The following IDH3G variants were observed in gnomAD, a reference collection of about 807,000 sequenced individuals.
IDH3G encodes the protein isocitrate dehydrogenase [NAD] subunit gamma, mitochondrial.
IDH3G carries 9 observed loss-of-function variants against 26.9 expected under a neutral mutation model. The ratio of observed to expected loss-of-function variants is 0.34; its 90% confidence interval spans 0.20 to 0.58. The LOEUF (loss-of-function observed/expected upper bound fraction) is 0.58. IDH3G is among the 20% of genes least tolerant of loss of function. The pLI is 0.85. For missense variants in IDH3G, 250 were observed against 372.8 expected, an observed-to-expected ratio of 0.67 and a Z score of 2.71; for synonymous variants, 181 against 160.0, an observed-to-expected ratio of 1.13 and a Z score of -0.99.
intron 8 of IDH3G, 39 bp from the exon 9 acceptor site, chrX:153,787,192 C>A (rs781821711): frequency 2.5e-5 from 27 of 1,073,722 alleles, no homozygotes; most frequent in Non-Finnish European, 3.3e-5. Flanking sequence ...GCTTGGCCAT[C>A]GCAACAGTCA....
chrX:153,786,110 C>G, intron 12 of IDH3G, 102 bp downstream of exon 12: 1 of 1,196,650 alleles, frequency 8.4e-7, no homozygotes, highest in South Asian at 1.8e-5. Flanking sequence ...GATCCAGTAC[C>G]ATCCTCCCCT....
In IDH3G at chrX:153,786,334, G is replaced by A. The variant is rs782052229; in HGVS notation, c.1019+21C>T. Reference sequence around the variant, plus strand: ...CCCGGAGGGCTGGCCAGGGGCTTGCGGGGCACTGGGAGCCACTCACTTGAG... The same window carrying A: ...CCCGGAGGGCTGGCCAGGGGCTTGCAGGGCACTGGGAGCCACTCACTTGAG... On this transcript the variant is annotated intron_variant, in intron 11 of 12. Transcript: ENST00000217901. 5.7e-5 allele frequency: 69 copies of A among 1,202,242 alleles called. 3 individuals carry two copies. The highest frequency in any genetic ancestry group is 3.1e-4 in the African/African-American group (18 of 57,328).
intron 12 of IDH3G, 101 bp from the exon 13 acceptor site, chrX:153,786,074 C>T: frequency 8.3e-7 from 1 of 1,201,214 alleles, no homozygotes; most frequent in South Asian, 1.8e-5. Context: ...GAAGTGGCAC[C>T]AGCTAAGGGC....
chrX:153,794,249 C>T lies in IDH3G; in HGVS notation c.78G>A (p.Trp26Ter). ...VLGPALLCRP[W>*]EVLGAHEVPS... ...CCGTGGCTCTTTCCCTGCTCACCTC[C>T]CAGGGACGGCAGAGAAGGGCTGGCC... is the stretch of plus-strand genomic sequence containing the variant. The change falls in exon 1 of 13, where the codon TGG becomes TGA. Residue 26 changes from tryptophan to a stop codon, truncating the protein, a stop_gained. Coordinates refer to ENST00000217901, the MANE Select transcript of IDH3G (RefSeq NM_004135.4). LOFTEE classifies it high-confidence loss of function. 8.4e-7 allele frequency: 1 copy of T among 1,193,540 alleles called. No individual in the cohort carries two copies. Among genetic ancestry groups the T allele is most frequent in the East Asian group, 3.0e-5 (1 of 33,176 alleles).
chrX:153,789,116 G>A (rs782778405), intron 5 of IDH3G: 2 of 342,519 alleles, frequency 5.8e-6, no homozygotes, highest in African/African-American at 2.6e-5. Context: ...GCTCTCACTC[G>A]AATCCCAGCA....
At chrX:153,789,086 G>A (rs930109925) in intron 5 of IDH3G, 9 of 340,332 alleles carry the variant, frequency 2.6e-5, no homozygotes, top group Non-Finnish European at 5.3e-5. Context: ...GCCCGTCACT[G>A]GACAGGCTCA....
In IDH3G at chrX:153,789,713, CT is replaced by C; in HGVS notation, c.344del (p.Lys115ArgfsTer41). The C allele has an allele frequency of 8.5e-7, 1 of 1,171,944 alleles. No individual in the cohort carries two copies. Among genetic ancestry groups the C allele is most frequent in the Admixed American group, 2.3e-5 (1 of 43,889 alleles). ...MAIRRNRVALKGNIETNHNLP... is the reference protein window; with the variant it reads ...MAIRRNRVALXGNIETNHNLP... ...CTGGCCCCTGGCCCTGGAGCTCACC[CT>C]TCAGGGCCACGCGGTTCCGGCGGAT... On this transcript the variant is annotated frameshift_variant and splice_region_variant, in exon 5 of 13. Coordinates refer to ENST00000217901, the MANE Select transcript of IDH3G (RefSeq NM_004135.4). LOFTEE classifies it high-confidence loss of function.
chrX:153,793,050 C>T (rs2187618), intron 1 of IDH3G, among the ~76,000 whole-genome samples: 1 of 111,759 alleles, frequency 8.9e-6, no homozygotes, highest in Admixed American at 9.5e-5. Context: ...GATTCAAGAC[C>T]TGGGGTTCCT....
At position 153,794,313 on chromosome X, in the gene IDH3G, A is replaced by G; in HGVS notation, c.14T>C (p.Val5Ala). MALK[V>A]ATVAGSAAKA... ...CGCGGCGCTGCCGGCGACGGTCGCT[A>G]CCTTCAGCGCCATGACGGAAAGTGA... The change falls in exon 1 of 13, where the codon GTA becomes GCA. Residue 5 changes from valine (V) to alanine (A), a missense_variant. By Grantham distance (64) the Val-to-Ala change is moderately conservative. Coordinates refer to ENST00000217901, the MANE Select transcript of IDH3G (RefSeq NM_004135.4). The G allele has an allele frequency of 8.4e-7, 1 of 1,196,549 alleles. No homozygotes were observed. Among genetic ancestry groups the G allele is most frequent in the Non-Finnish European group, 1.1e-6 (1 of 889,385 alleles).
intron 1 of IDH3G, 75 bp from the exon 2 acceptor site, chrX:153,790,926 T>C: frequency 4.1e-6 from 4 of 971,237 alleles, no homozygotes; most frequent in Admixed American, 2.2e-5. Flanking sequence ...AAACGGACCG[T>C]CCCCACTGTG....
In IDH3G at chrX:153,787,847, G is replaced by C. The variant is rs782497749; in HGVS notation, c.516C>G (p.Gly172=). The change falls in exon 7 of 13, where the codon GGC becomes GGG. Residue 172 remains glycine, a synonymous_variant. Transcript: ENST00000217901. The part of the protein sequence containing the change: ...DILIVRENTE[G]EYSSLEHESV... ...CCTCATGCTCCAGGCTGCTGTACTC[G>C]CCCTCTGTGTTCTCCCGGACAATGA... 23 of 1,208,620 alleles carry C rather than the reference G, an allele frequency of 1.9e-5. No homozygotes were observed. In the African/African-American group the frequency reaches 4.0e-4, roughly 21 times the overall value.
chrX:153,793,311 A>G (rs868959132), intron 1 of IDH3G, among the ~76,000 whole-genome samples: 31 of 112,022 alleles, frequency 2.8e-4, no homozygotes, highest in African/African-American at 1.0e-3. Flanking sequence ...AGCATCGTCA[A>G]GAGAATTTCA....
intron 1 of IDH3G, 66 bp downstream of exon 1, chrX:153,794,180 G>A: frequency 1.8e-6 from 2 of 1,102,003 alleles, no homozygotes; most frequent in Non-Finnish European, 2.4e-6. Context: ...AGACTGCTTC[G>A]GGTGCGGCTA....
chrX:153,788,188 G>C, intron 5 of IDH3G, 53 bp from the exon 6 acceptor site: 1 of 1,156,722 alleles, frequency 8.6e-7, no homozygotes, highest in Non-Finnish European at 1.2e-6. Context: ...CCCCACCTCA[G>C]CAGGGCAGCT....
Position 153,791,716 on chromosome X carries a change from C to G in IDH3G, c.82-865G>C, listed in dbSNP as rs192525420. On this transcript the variant is annotated intron_variant, in intron 1 of 12. Coordinates refer to ENST00000217901, the MANE Select transcript of IDH3G (RefSeq NM_004135.4). ...ACCAGGCAGCAGCAAAGTGTTCCAG[C>G]CAATGGCAGAAGCATCATAGCCATT... Among the ~76,000 whole-genome samples, 197 of 112,647 alleles carry G rather than the reference C, an allele frequency of 1.7e-3. 2 individuals are homozygous for G. Among genetic ancestry groups the G allele is most frequent in the African/African-American group, 5.9e-3 (182 of 31,075 alleles).
chrX:153,790,403 G>T, intron 3 of IDH3G, 111 bp from the exon 4 acceptor site: 1 of 876,368 alleles, frequency 1.1e-6, no homozygotes, highest in Non-Finnish European at 1.7e-6. Context: ...GACCCCACAG[G>T]CTGCCCCGTC....
intron 4 of IDH3G, 137 bp from the exon 5 acceptor site, chrX:153,789,961 C>T (rs1197205063): frequency 1.8e-5 from 9 of 493,578 alleles, no homozygotes; most frequent in Non-Finnish European, 3.2e-5. Flanking sequence ...CCCACCTTCA[C>T]TGACTGATGG....
At chrX:153,792,130 C>G (rs1367265989) in intron 1 of IDH3G, 2 of 111,499 alleles carry the variant, frequency 1.8e-5, no homozygotes, top group Non-Finnish European at 3.8e-5. Flanking sequence ...CCCTAAGGCC[C>G]TACTTACCCC....
chrX:153,791,076 C>A, intron 1 of IDH3G: 2 of 368,192 alleles, frequency 5.4e-6, no homozygotes, highest in East Asian at 8.6e-5. Context: ...TGCCTCCTTC[C>A]GCTCTTCAGA....
Sources: allele counts gnomAD v4.1 joint callset (sites outside exome capture counted in the v4.1 genomes callset), GRCh38; gene constraint gnomAD v4.1.1; transcripts MANE v1.5; gene names NCBI Gene and HGNC (gene_info 2026-07-23, HGNC 2026-07-21).